The following ADAMTS7 variants were observed in gnomAD, a reference collection of about 807,000 sequenced individuals.
ADAMTS7 encodes the protein ADAM metallopeptidase with thrombospondin type 1 motif 7.
In ADAMTS7, 89 loss-of-function variants were observed where a neutral mutation model predicts 172.6. That is an observed-to-expected ratio of 0.52 (90% CI 0.43 to 0.61). ADAMTS7 has a LOEUF of 0.61. Among genes scored for constraint, ADAMTS7 ranks in the 20% least tolerant of loss-of-function variants. ADAMTS7 has a pLI of 0.00. For missense variants in ADAMTS7, 1,973 were observed against 2,355.6 expected, an observed-to-expected ratio of 0.84 and a Z score of 3.36; for synonymous variants, 885 against 978.4, an observed-to-expected ratio of 0.90 and a Z score of 1.78.
Position 78,800,470 on chromosome 15 carries a change from A to T in ADAMTS7, c.178T>A (p.Tyr60Asn), listed in dbSNP as rs752914007. ...RVDAGGSFLS[Y>N]ELWPRALRKR... ...CGCAGTGCGCGGGGCCACAGCTCGT[A>T]GGACAGGAAGGAGCCCCCCGCGTCG... Residue 60 changes from tyrosine (Y) to asparagine (N), a missense_variant, in exon 2 of 24, where the codon TAC (tyrosine) becomes AAC (asparagine). Tyr to Asn is a moderately radical substitution (Grantham distance 143). Coordinates refer to ENST00000388820, the MANE Select transcript of ADAMTS7 (RefSeq NM_014272.5). 3.1e-6 allele frequency: 5 copies of T among 1,610,616 alleles called. No homozygotes were observed. Among genetic ancestry groups the T allele is most frequent in the Admixed American group, 1.7e-5 (1 of 59,756 alleles).
rs1352504009 is a variant in ADAMTS7 at position 78,776,391 on chromosome 15, C to A, written c.1561-58G>T. 23 of 1,572,870 alleles carry A rather than the reference C, an allele frequency of 1.5e-5. No homozygotes were observed. The Admixed American group carries it at 4.0e-4, about 27-fold the overall frequency. On this transcript the variant is annotated intron_variant, in intron 10 of 23. Transcript: ENST00000388820. ...CCCCCAAGTCTATCAGTCATCCTCA[C>A]CCTAGTGAGAACAAGGTGGGTGGGA...
intron 7 of ADAMTS7, 47 bp from the exon 8 acceptor site, chr15:78,788,421 T>C: frequency 6.3e-7 from 1 of 1,599,340 alleles, no homozygotes; most frequent in Non-Finnish European, 8.5e-7. Flanking sequence ...GGCGGGAGGC[T>C]GCCAGCCTGC....
chr15:78,791,186 G>A lies in ADAMTS7; in HGVS notation c.857C>T (p.Pro286Leu), dbSNP rs1386098343. The A allele has an allele frequency of 2.5e-6, 4 of 1,613,582 alleles. No homozygotes were observed. Among genetic ancestry groups the A allele is most frequent in the Non-Finnish European group, 3.4e-6 (4 of 1,179,756 alleles). ...CAGGCGCACAATGGTGATGTGGATG[G>A]GGTTCCCAATGCTGGGGTCATGAAA... ...GLFHDPSIGNPIHITIVRLVL... is the reference protein window; with the variant it reads ...GLFHDPSIGNLIHITIVRLVL... Residue 286 changes from proline to leucine, a missense_variant, in exon 5 of 24, where the codon CCC (proline) becomes CTC (leucine). Pro to Leu is a moderately conservative substitution (Grantham distance 98, BLOSUM62 -3). Around this residue, in one of 8 missense-constraint regions of ADAMTS7, gnomAD observed 526 missense variants for 662.9 expected, o/e 0.79. Transcript: ENST00000388820.
At chr15:78,769,945 T>G (rs2055219232) in intron 16 of ADAMTS7, among the ~76,000 whole-genome samples, 1 of 152,172 alleles carries the variant, frequency 6.6e-6, no homozygotes, top group African/African-American at 2.4e-5. Context: ...GCAAATCACC[T>G]GAGGTCAGGA....
At position 78,763,757 on chromosome 15, in the gene ADAMTS7, G is replaced by A; in HGVS notation, c.4682C>T (p.Thr1561Ile). ...GLCEEALRPN[T>I]TRPCNTHPCT... ...GGGGTGGGTGTTGCAGGGCCGGGTG[G>A]TGTTGGGTCTCAGCGCCTCCTCGCA... The change falls in exon 22 of 24, where the codon ACC becomes ATC. Residue 1561 changes from threonine (T) to isoleucine (I), a missense_variant. By Grantham distance (89) the Thr-to-Ile change is moderately conservative (BLOSUM62 -1). Around this residue, in one of 8 missense-constraint regions of ADAMTS7, gnomAD observed 218 missense variants for 216.9 expected, o/e 1.01. Transcript: ENST00000388820. 1 of 1,599,590 alleles carries A rather than the reference G, an allele frequency of 6.3e-7. No individual in the cohort carries two copies. The highest frequency in any genetic ancestry group is 8.5e-7 in the Non-Finnish European group (1 of 1,175,628).
rs540849474 is a variant in ADAMTS7, at chr15:78,759,960, C to A, written c.4904-382G>T. Among the ~76,000 whole-genome samples the A allele has an allele frequency of 5.1e-3, 778 of 152,146 alleles. 3 individuals are homozygous for A. Among genetic ancestry groups the A allele is most frequent in the African/African-American group, 0.017 (714 of 41,488 alleles). On this transcript the variant is annotated intron_variant, in intron 23 of 23. Coordinates refer to ENST00000388820, the MANE Select transcript of ADAMTS7 (RefSeq NM_014272.5). ...CTGGCACAGAACTGCGGTCCCGGGG[C>A]CTCCTGCCAGCCTGCAGCGGCCTCT...
At chr15:78,795,828 G>A (rs2055635934) in intron 4 of ADAMTS7, among the ~76,000 whole-genome samples, 1 of 152,220 alleles carries the variant, frequency 6.6e-6, no homozygotes, top group Non-Finnish European at 1.5e-5. Context: ...GGCAGGAGCA[G>A]GGAGTGGCAG....
In ADAMTS7 at chr15:78,763,913, G is replaced by A. The variant is rs372662933; in HGVS notation, c.4593+13C>T. 870 of 1,554,394 alleles carry A rather than the reference G, an allele frequency of 5.6e-4. No homozygotes were observed. Among genetic ancestry groups the A allele is most frequent in the Non-Finnish European group, 7.0e-4 (801 of 1,150,912 alleles). On this transcript the variant is annotated intron_variant, in intron 21 of 23. Coordinates refer to ENST00000388820, the MANE Select transcript of ADAMTS7 (RefSeq NM_014272.5). Reference sequence around the variant, plus strand: ...GGGCGTCCCCTCCCCCCAACTCAACGGCCAGGCCTCACCTCCCTCCAGGAA... The same window carrying A: ...GGGCGTCCCCTCCCCCCAACTCAACAGCCAGGCCTCACCTCCCTCCAGGAA...
intron 10 of ADAMTS7, 29 bp from the exon 11 acceptor site, chr15:78,776,362 C>A: frequency 6.2e-7 from 1 of 1,600,912 alleles, no homozygotes; most frequent in Non-Finnish European, 8.5e-7. Context: ...GTAGAGCCAC[C>A]CCACCCCCAA....
chr15:78,804,877 T>C (rs1205452379), intron 1 of ADAMTS7, among the ~76,000 whole-genome samples: 1 of 152,158 alleles, frequency 6.6e-6, no homozygotes, highest in Non-Finnish European at 1.5e-5. Flanking sequence ...TAAATCAGCA[T>C]TTCCAGGAAA....
Position 78,796,791 on chromosome 15 carries a change from A to T in ADAMTS7, c.623-5T>A. ...GAGACTCCAGCTCTGGGTACACTGG[A>T]GGCCCAGATGGGGTGGAGTTAGCTG... On this transcript the variant is annotated splice_polypyrimidine_tract_variant and splice_region_variant and intron_variant, in intron 3 of 23. Coordinates refer to ENST00000388820, the MANE Select transcript of ADAMTS7 (RefSeq NM_014272.5). The T allele has an allele frequency of 6.2e-7, 1 of 1,605,428 alleles. No individual in the cohort carries two copies.
rs148106161 is a variant in ADAMTS7, at chr15:78,767,614, C to T, written c.2646-22G>A. 4,645 of 1,522,128 alleles carry T rather than the reference C, an allele frequency of 3.1e-3. 57 individuals carry two copies. The African/African-American group carries it at 0.039, about 13-fold the overall frequency. 94.3% of individuals were successfully genotyped at this position (1,522,128 alleles called of 1,614,324 possible). A position where few individuals can be genotyped will look rare whatever the true frequency, so the allele number is the denominator to read the frequency against. On this transcript the variant is annotated intron_variant, in intron 17 of 23. Transcript: ENST00000388820. The stretch of plus-strand genomic sequence containing the variant: ...CCACCTGGCGAGGGCACACAGGTGG[C>T]ATCAGTGTGGCATCAGACAGGTGGC...
Position 78,790,807 on chromosome 15 carries a change from A to T in ADAMTS7, c.904-13T>A, listed in dbSNP as rs757657016. The stretch of plus-strand genomic sequence containing the variant: ...TCTTTAGGTCCTCCTGGGGGCAGAG[A>T]GAGTGACTGCTCATGCCTCCCCTGA... On this transcript the variant is annotated splice_polypyrimidine_tract_variant and intron_variant, in intron 5 of 23. Transcript: ENST00000388820. The T allele has an allele frequency of 8.7e-6, 14 of 1,612,944 alleles. No homozygotes were observed. The South Asian group carries it at 1.5e-4, about 18-fold the overall frequency.
At chr15:78,792,360 C>T (rs1170363930) in intron 4 of ADAMTS7, among the ~76,000 whole-genome samples, 1 of 152,214 alleles carries the variant, frequency 6.6e-6, no homozygotes, top group African/African-American at 2.4e-5. Flanking sequence ...ATCATCATTT[C>T]GTCTGCTCAG....
intron 1 of ADAMTS7, among the ~76,000 whole-genome samples, chr15:78,803,204 A>G (rs2055747907): frequency 6.6e-6 from 1 of 150,612 alleles, no homozygotes; most frequent in Non-Finnish European, 1.5e-5. Context: ...CTACAAAAAA[A>G]AAAAAATTAG....
intron 4 of ADAMTS7, among the ~76,000 whole-genome samples, chr15:78,793,781 T>G (rs933975324): frequency 2.0e-5 from 3 of 152,164 alleles, no homozygotes; most frequent in Non-Finnish European, 4.4e-5. Context: ...TCCCCATCCT[T>G]CTGGCCCACC....
At chr15:78,804,653 G>A (rs993281867) in intron 1 of ADAMTS7, among the ~76,000 whole-genome samples, 1 of 74,618 alleles carries the variant, frequency 1.3e-5, no homozygotes, top group Non-Finnish European at 3.3e-5. Context: ...CCTGCTGAGA[G>A]CATCTCCCTC....
At position 78,800,318 on chromosome 15, in the gene ADAMTS7, C is replaced by T; in HGVS notation, c.330G>A (p.Thr110=). The change falls in exon 2 of 24, where the codon ACG becomes ACA. Residue 110 remains threonine (T), a synonymous_variant. Coordinates refer to ENST00000388820, the MANE Select transcript of ADAMTS7 (RefSeq NM_014272.5). ...HLLAPGFVSE[T]RRRGGLGRAH... is the part of the protein sequence containing the mutation. ...CGCGGCCCAGGCCGCCGCGCCGCCG[C>T]GTCTCGCTCACAAAGCCGGGCGCCA... is the stretch of plus-strand genomic sequence containing the variant. The T allele has an allele frequency of 6.3e-7, 1 of 1,595,570 alleles. No individual in the cohort carries two copies. Among genetic ancestry groups the T allele is most frequent in the Non-Finnish European group, 8.5e-7 (1 of 1,174,008 alleles).
intron 6 of ADAMTS7, 84 bp downstream of exon 6, chr15:78,790,586 C>T (rs1248446660): frequency 2.6e-5 from 40 of 1,566,124 alleles, no homozygotes; most frequent in Non-Finnish European, 3.2e-5. Flanking sequence ...GACAGCACGG[C>T]CCCCTCCTCC....
Sources: gnomAD v4.1 joint callset for allele counts (sites outside exome capture counted in the v4.1 genomes callset) on GRCh38, gnomAD v4.1.1 for gene constraint, gnomAD v4.1.1 regional missense constraint, MANE v1.5 for transcripts, NCBI Gene and HGNC (gene_info 2026-07-23, HGNC 2026-07-21) for gene names.